The following DIAPH2 variants were observed in gnomAD, a reference collection of about 807,000 sequenced individuals.
DIAPH2 encodes the protein diaphanous related formin 2.
Under a neutral mutation model 92.7 loss-of-function variants are expected in DIAPH2, and 35 were observed. The observed-to-expected ratio is 0.38, with a 90% CI of 0.29 to 0.50. The LOEUF (loss-of-function observed/expected upper bound fraction) is 0.50. Ranked by LOEUF, DIAPH2 falls within the 20% of genes least tolerant of loss-of-function variation. DIAPH2 has a pLI of 0.94. For synonymous variants in DIAPH2, 301 were observed against 280.4 expected, an observed-to-expected ratio of 1.07 and a Z score of -0.73; for missense variants, 701 against 819.5, an observed-to-expected ratio of 0.86 and a Z score of 1.77.
intron 5 of DIAPH2, among the ~76,000 whole-genome samples, chrX:96,882,971 AAAAAAAAAAAAAC>A (rs1268611049): frequency 2.0e-5 from 2 of 99,652 alleles, no homozygotes; most frequent in Admixed American, 2.2e-4. Context: ...AAAAAAAAAA[AAAAAAAAAAAAAC>A]AAAAAAACAA....
At chrX:97,475,760 C>G (rs2070598158) in intron 26 of DIAPH2, among the ~76,000 whole-genome samples, 1 of 112,043 alleles carries the variant, frequency 8.9e-6, no homozygotes, top group Non-Finnish European at 1.9e-5. Flanking sequence ...GGTGATATGG[C>G]AACCTGAAAT....
At chrX:97,132,992 A>AC (rs1224263078) in intron 21 of DIAPH2, among the ~76,000 whole-genome samples, 1 of 111,366 alleles carries the variant, frequency 9.0e-6, no homozygotes, top group African/African-American at 3.3e-5. Context: ...ATCCAAAAGG[A>AC]AAGGGGGGAG....
intron 1 of DIAPH2, among the ~76,000 whole-genome samples, chrX:96,695,289 G>C (rs1048118270): frequency 8.9e-6 from 1 of 112,364 alleles, no homozygotes; most frequent in Admixed American, 9.4e-5. Flanking sequence ...GGAAGAATAA[G>C]TTTATGATTC....
chrX:96,702,458 A>G (rs1215728776), intron 1 of DIAPH2, among the ~76,000 whole-genome samples: 1 of 112,489 alleles, frequency 8.9e-6, no homozygotes, highest in Non-Finnish European at 1.9e-5. Flanking sequence ...GCTGGGTGGA[A>G]TGTGATAAGT....
intron 9 of DIAPH2, 124 bp from the exon 10 acceptor site, chrX:96,930,609 A>G: frequency 2.2e-6 from 1 of 459,315 alleles, no homozygotes; most frequent in East Asian, 4.4e-5. Flanking sequence ...TTATACTTCT[A>G]GAAATATTTG....
chrX:96,939,562 A>ATATGTGTGTGTGTG (rs1231881351), intron 12 of DIAPH2, among the ~76,000 whole-genome samples, 180 bp downstream of exon 12: 1 of 74,886 alleles, frequency 1.3e-5, no homozygotes, highest in African/African-American at 4.8e-5. Context: ...ATGTATATAT[A>ATATGTGTGTGTGTG]TATATGTGTG....
At chrX:97,032,615 T>G (rs986473443) in intron 17 of DIAPH2, among the ~76,000 whole-genome samples, 24 of 110,343 alleles carry the variant, frequency 2.2e-4, no homozygotes, top group African/African-American at 7.9e-4. Flanking sequence ...GTGTGTTACC[T>G]CATTCTTGTC....
chrX:97,082,322 T>G (rs5920739), intron 19 of DIAPH2, among the ~76,000 whole-genome samples: 4,303 of 107,739 alleles, frequency 0.04, 87 homozygotes, highest in Middle Eastern at 0.063. Context: ...AATTTCCTCA[T>G]AAGTGTAAAA....
intron 26 of DIAPH2, among the ~76,000 whole-genome samples, chrX:97,584,967 A>G (rs1016003566): frequency 8.9e-6 from 1 of 112,460 alleles, no homozygotes; most frequent in Non-Finnish European, 1.9e-5. Flanking sequence ...TGTGTGAAAG[A>G]GCATTGCACC....
At chrX:96,979,715 G>A (rs1396941374) in intron 17 of DIAPH2, among the ~76,000 whole-genome samples, 1 of 112,161 alleles carries the variant, frequency 8.9e-6, no homozygotes, top group East Asian at 2.8e-4. Context: ...ACACAAATGA[G>A]TTACAGTTAT....
intron 26 of DIAPH2, among the ~76,000 whole-genome samples, chrX:97,520,802 G>A (rs2070985444): frequency 1.8e-5 from 2 of 112,123 alleles, no homozygotes; most frequent in African/African-American, 6.5e-5. Flanking sequence ...ATTATCTGAC[G>A]AAACACAGAC....
chrX:97,124,177 A>C (rs946865007), intron 21 of DIAPH2, among the ~76,000 whole-genome samples: 6 of 112,399 alleles, frequency 5.3e-5, no homozygotes, highest in African/African-American at 1.6e-4. Flanking sequence ...CATGTCAGGC[A>C]TAGGAATTAA....
intron 22 of DIAPH2, among the ~76,000 whole-genome samples, chrX:97,180,089 G>T (rs1373244901): frequency 8.9e-6 from 1 of 111,970 alleles, no homozygotes; most frequent in Non-Finnish European, 1.9e-5. Flanking sequence ...TATTGGGATT[G>T]CTGGGTCAAA....
intron 16 of DIAPH2, among the ~76,000 whole-genome samples, chrX:96,962,262 T>TATATATATATACATATATATATAC (rs1175825524): frequency 7.2e-5 from 6 of 83,816 alleles, no homozygotes; most frequent in Admixed American, 1.4e-4. Context: ...GATGCCTTTC[T>TATATATATATACATATATATATAC]ATATATATAT....
chrX:97,389,982 A>T (rs1471406757), intron 25 of DIAPH2, among the ~76,000 whole-genome samples: 2 of 110,909 alleles, frequency 1.8e-5, no homozygotes, highest in African/African-American at 6.6e-5. Flanking sequence ...CTGAAAGAAT[A>T]GCTCCAATGG....
chrX:96,872,942 C>T (rs2065153578), intron 4 of DIAPH2, among the ~76,000 whole-genome samples: 1 of 112,024 alleles, frequency 8.9e-6, no homozygotes, highest in South Asian at 3.8e-4. Context: ...ATATACCCAG[C>T]AGTGGGAATG....
intron 16 of DIAPH2, among the ~76,000 whole-genome samples, chrX:96,961,204 CA>C (rs1480204581): frequency 9.0e-6 from 1 of 110,735 alleles, no homozygotes; most frequent in African/African-American, 3.3e-5. Context: ...TTAGTAAAGT[CA>C]TTAGTCCTGG....
At chrX:97,555,148 T>C (rs775018442) in intron 26 of DIAPH2, among the ~76,000 whole-genome samples, 1 of 111,708 alleles carries the variant, frequency 9.0e-6, no homozygotes, top group African/African-American at 3.2e-5. Context: ...GTTTCTAGTG[T>C]CTGCATCATT....
At chrX:97,410,238 C>A (rs368708707) in intron 25 of DIAPH2, among the ~76,000 whole-genome samples, 1 of 112,271 alleles carries the variant, frequency 8.9e-6, no homozygotes, top group African/African-American at 3.2e-5. Context: ...TGCTGTTCTG[C>A]AGCCTCTGCT....
Sources: allele counts gnomAD v4.1 joint callset (sites outside exome capture counted in the v4.1 genomes callset), GRCh38; gene constraint gnomAD v4.1.1; transcripts MANE v1.5; gene names NCBI Gene and HGNC (gene_info 2026-07-23, HGNC 2026-07-21).